Variants in DGKB observed in about 807,000 individuals in gnomAD.
The protein encoded by DGKB is 90 kDa diacylglycerol kinase.
DGKB carries 67 observed loss-of-function variants against 114.3 expected under a neutral mutation model. That is an observed-to-expected ratio of 0.59 (90% confidence interval 0.48 to 0.72). The LOEUF (loss-of-function observed/expected upper bound fraction) is 0.72, where lower values mean the gene tolerates loss of function less well. DGKB is among the 30% of genes least tolerant of loss of function. The pLI is 0.00. For missense variants in DGKB, 907 were observed against 975.2 expected (o/e 0.93, Z 0.93); for synonymous variants, 398 against 323.1 (o/e 1.23, Z -2.49).
chr7:14,379,706 CG>C (rs1402494100), intron 21 of DGKB, among the ~76,000 whole-genome samples: 1 of 152,070 alleles, frequency 6.6e-6, no homozygotes, highest in Non-Finnish European at 1.5e-5. Context: ...ATTACAGGCA[CG>C]TGCCACCACG....
At chr7:14,201,946 G>A (rs1373503147) in intron 23 of DGKB, among the ~76,000 whole-genome samples, 3 of 151,916 alleles carry the variant, frequency 2.0e-5, no homozygotes. Flanking sequence ...TTTCCTGATA[G>A]TCTTCTATAA....
chr7:14,752,016 C>G (rs1834197482), intron 4 of DGKB, among the ~76,000 whole-genome samples: 1 of 152,098 alleles, frequency 6.6e-6, no homozygotes, highest in African/African-American at 2.4e-5. Flanking sequence ...ACCCTTTTAA[C>G]AGTCCAATAA....
At chr7:14,490,949 A>AT (rs1784509367) in intron 20 of DGKB, among the ~76,000 whole-genome samples, 1 of 151,118 alleles carries the variant, frequency 6.6e-6, no homozygotes. Context: ...TAATTGTGGT[A>AT]ATTTTTTTTT....
chr7:14,579,218 T>A (rs1281125289), intron 19 of DGKB, among the ~76,000 whole-genome samples: 1 of 152,206 alleles, frequency 6.6e-6, no homozygotes, highest in Non-Finnish European at 1.5e-5. Context: ...AAGCCATTTG[T>A]TTATTTCCTC....
chr7:14,313,323 G>A (rs546528935), intron 23 of DGKB, among the ~76,000 whole-genome samples: 50 of 152,216 alleles, frequency 3.3e-4, no homozygotes, highest in Middle Eastern at 3.4e-3. Context: ...CCTGAGCGAC[G>A]CAGAAGACGG....
At chr7:14,946,235 G>T (rs761493003) in intron 1 of DGKB, among the ~76,000 whole-genome samples, 1 of 151,542 alleles carries the variant, frequency 6.6e-6, no homozygotes, top group East Asian at 1.9e-4. Context: ...TGTGCTTTTG[G>T]TTTTTCACAA....
chr7:14,562,333 G>C (rs1268219221), intron 20 of DGKB, among the ~76,000 whole-genome samples: 1 of 152,214 alleles, frequency 6.6e-6, no homozygotes, highest in Non-Finnish European at 1.5e-5. Context: ...GTGCATAAGG[G>C]AAATGTGGGG....
chr7:14,257,849 C>T (rs1477368861), intron 23 of DGKB, among the ~76,000 whole-genome samples: 1 of 152,184 alleles, frequency 6.6e-6, no homozygotes, highest in African/African-American at 2.4e-5. Flanking sequence ...GTCTCAGCCT[C>T]CCAAGTAGCT....
chr7:14,274,033 ATGTCCCTT>A (rs947619163), intron 23 of DGKB, among the ~76,000 whole-genome samples: 1 of 152,194 alleles, frequency 6.6e-6, no homozygotes, highest in Non-Finnish European at 1.5e-5. Context: ...CTCATGACAA[ATGTCCCTT>A]TTTGATACAC....
intron 21 of DGKB, among the ~76,000 whole-genome samples, chr7:14,476,449 T>C (rs1782184271): frequency 6.6e-6 from 1 of 152,106 alleles, no homozygotes. Context: ...TGATTTAATT[T>C]TGAAATGCAC....
At chr7:14,764,248 G>GA (rs1836129719) in intron 2 of DGKB, among the ~76,000 whole-genome samples, 1 of 151,662 alleles carries the variant, frequency 6.6e-6, no homozygotes, top group Non-Finnish European at 1.5e-5. Context: ...ATTTAAATTA[G>GA]AAAAATCTTT....
At chr7:14,703,740 T>C (rs2129014624) in intron 6 of DGKB, among the ~76,000 whole-genome samples, 1 of 152,258 alleles carries the variant, frequency 6.6e-6, no homozygotes, top group Admixed American at 6.5e-5. Context: ...TTGGTCATCG[T>C]TCCTGAAAAG....
At chr7:14,379,627 T>G (rs1819076099) in intron 21 of DGKB, among the ~76,000 whole-genome samples, 3 of 152,132 alleles carry the variant, frequency 2.0e-5, no homozygotes, top group Non-Finnish European at 1.5e-5. Context: ...TGGCACGATC[T>G]CGGCTCACTG....
intron 2 of DGKB, among the ~76,000 whole-genome samples, chr7:14,781,755 T>A (rs1562519854): frequency 6.6e-6 from 1 of 152,306 alleles, no homozygotes; most frequent in East Asian, 1.9e-4. Context: ...TATTATAACA[T>A]ATAACTCTGG....
Position 14,546,711 on chromosome 7 carries a change from A to T in DGKB, c.1770+27501T>A, listed in dbSNP as rs192926472. Among the ~76,000 whole-genome samples the T allele has an allele frequency of 1.7e-3, 253 of 152,294 alleles. 1 individual carries two copies. Among genetic ancestry groups the T allele is most frequent in the Middle Eastern group, 0.01 (3 of 294 alleles). ...AATCCAGACCATACTGTTGGGACCC[A>T]GCTAGAAAAGAATGGACTCAACTGA... On this transcript the variant is annotated intron_variant, in intron 20 of 25. Coordinates refer to ENST00000402815, the MANE Select transcript of DGKB (RefSeq NM_001350709.2).
intron 6 of DGKB, among the ~76,000 whole-genome samples, chr7:14,709,415 T>G (rs1203305323): frequency 1.4e-4 from 17 of 123,038 alleles, no homozygotes; most frequent in Non-Finnish European, 1.9e-4. Context: ...TGGCGATTCC[T>G]CAGGGATCTA....
intron 1 of DGKB, among the ~76,000 whole-genome samples, chr7:14,910,327 TAGG>T (rs1160239377): frequency 1.3e-5 from 2 of 149,194 alleles, no homozygotes; most frequent in African/African-American, 2.5e-5. Flanking sequence ...CCTTATATAT[TAGG>T]AGAAGGCAAA....
Position 14,796,882 on chromosome 7 carries a change from T to C in DGKB, c.71-39151A>G, listed in dbSNP as rs10236789. ...AGGAAATCATTAATCATCCACCTTA[T>C]AGTCTTGATTTGGCTCCTTTGACAT... On this transcript the variant is annotated intron_variant, in intron 2 of 25. Transcript: ENST00000402815. 5.4e-3 allele frequency among the ~76,000 whole-genome samples: 820 copies of C among 152,222 alleles called. 5 individuals carry two copies. The highest frequency in any genetic ancestry group is 0.019 in the African/African-American group (772 of 41,538).
At chr7:14,662,482 T>G (rs1045529598) in intron 13 of DGKB, among the ~76,000 whole-genome samples, 1 of 152,016 alleles carries the variant, frequency 6.6e-6, no homozygotes, top group African/African-American at 2.4e-5. Flanking sequence ...AATGATCCTT[T>G]GCACTTCTGA....
Sources: allele counts gnomAD v4.1 joint callset (sites outside exome capture counted in the v4.1 genomes callset), GRCh38; gene constraint gnomAD v4.1.1; transcripts MANE v1.5; gene names NCBI Gene and HGNC (gene_info 2026-07-23, HGNC 2026-07-21).